YKT6: variants seen among roughly 807,000 people sequenced by gnomAD.
The protein encoded by YKT6 is YKT6 vesicular SNARE protein, also known as synaptobrevin homolog YKT6.
In YKT6, 12 loss-of-function variants were observed where a neutral mutation model predicts 29.3. The observed-to-expected ratio is 0.41, with a 90% CI of 0.26 to 0.66. The LOEUF is 0.66. Ranked by LOEUF, YKT6 falls within the 30% of genes least tolerant of loss-of-function variation. The pLI, the probability that YKT6 is intolerant of heterozygous loss-of-function variation, is 0.32. For synonymous variants in YKT6, 86 were observed against 94.3 expected, an observed-to-expected ratio of 0.91 and a Z score of 0.51; for missense variants, 188 against 243.8, an observed-to-expected ratio of 0.77 and a Z score of 1.52.
chr7:44,207,608 G>A, intron 4 of YKT6, 116 bp downstream of exon 4: 1 of 844,188 alleles, frequency 1.2e-6, no homozygotes, highest in South Asian at 1.6e-5. Flanking sequence ...TCTGATGCTG[G>A]TGTCCTCTCT....
chr7:44,207,335 G>C lies in YKT6; in HGVS notation c.289-53G>C, dbSNP rs1583647483. On this transcript the variant is annotated intron_variant, in intron 3 of 6. Coordinates refer to ENST00000223369, the MANE Select transcript of YKT6 (RefSeq NM_006555.4). ...CTCAGGGGTGAAGCCCTGTCATTGAGACCACTGGTGAGTGCACAGTGGGAG... is the reference window on the plus strand; with the variant it reads ...CTCAGGGGTGAAGCCCTGTCATTGACACCACTGGTGAGTGCACAGTGGGAG... 15 of 1,504,506 alleles carry C rather than the reference G, an allele frequency of 1.0e-5. 1 individual carries two copies. In the South Asian group the frequency reaches 1.5e-4, roughly 15 times the overall value. 93.2% of individuals were successfully genotyped at this position (1,504,506 alleles called of 1,614,324 possible). A position where few individuals can be genotyped will look rare whatever the true frequency, so the allele number is the denominator to read the frequency against.
Position 44,207,333 on chromosome 7 carries a change from G to C in YKT6, c.289-55G>C, listed in dbSNP as rs886340279. Reference sequence around the variant, plus strand: ...TGCTCAGGGGTGAAGCCCTGTCATTGAGACCACTGGTGAGTGCACAGTGGG... The same window carrying C: ...TGCTCAGGGGTGAAGCCCTGTCATTCAGACCACTGGTGAGTGCACAGTGGG... On this transcript the variant is annotated intron_variant, in intron 3 of 6. Coordinates refer to ENST00000223369, the MANE Select transcript of YKT6 (RefSeq NM_006555.4). 5 of 1,508,884 alleles carry C rather than the reference G, an allele frequency of 3.3e-6. No individual in the cohort carries two copies. The Admixed American group carries it at 8.5e-5, about 26-fold the overall frequency. 93.5% of individuals were successfully genotyped at this position (1,508,884 alleles called of 1,614,324 possible). A position where few individuals can be genotyped will look rare whatever the true frequency, so the allele number is the denominator to read the frequency against.
In YKT6 at chr7:44,201,139, A is replaced by T; in HGVS notation, c.4A>T (p.Lys2Ter). The change falls in exon 1 of 7, where the codon AAG (lysine) becomes TAG (stop). Residue 2 changes from lysine (K) to a stop codon, truncating the protein, a stop_gained. Coordinates refer to ENST00000223369, the MANE Select transcript of YKT6 (RefSeq NM_006555.4). LOFTEE classifies it high-confidence loss of function. The part of the protein sequence containing the change: M[K>*]LYSLSVLYKG... Reference sequence around the variant, plus strand: ...GGCGGCCTGAGGGCGCGGAGCCATGAAGCTGTACAGCCTCAGCGTCCTCTA... The same window carrying T: ...GGCGGCCTGAGGGCGCGGAGCCATGTAGCTGTACAGCCTCAGCGTCCTCTA... 1 of 1,594,780 alleles carries T rather than the reference A, an allele frequency of 6.3e-7. No homozygotes were observed. Among genetic ancestry groups the T allele is most frequent in the Non-Finnish European group, 8.5e-7 (1 of 1,172,014 alleles).
At chr7:44,201,314 C>A in intron 1 of YKT6, 75 bp downstream of exon 1, 1 of 889,912 alleles carries the variant, frequency 1.1e-6, no homozygotes, top group Non-Finnish European at 1.6e-6. Context: ...CGGAGTGGGC[C>A]TGGGGTCGGC....
chr7:44,211,055 T>C lies in YKT6; in HGVS notation c.492T>C (p.Gly164=). The C allele has an allele frequency of 6.2e-7, 1 of 1,613,842 alleles. No individual in the cohort carries two copies. The highest frequency in any genetic ancestry group is 1.7e-5 in the Admixed American group (1 of 60,000). ...HNTMESLLER[G]EKLDDLVSKS... ...CCATGGAGTCTCTGTTAGAGCGAGG[T>C]GAGAAGCTAGATGACTTGGTGTCCA... The change falls in exon 6 of 7, where the codon GGT becomes GGC. Residue 164 remains glycine, a synonymous_variant. Coordinates refer to ENST00000223369, the MANE Select transcript of YKT6 (RefSeq NM_006555.4).
chr7:44,210,801 A>C (rs1343724294), intron 5 of YKT6: 1 of 610,492 alleles, frequency 1.6e-6, no homozygotes, highest in Non-Finnish European at 3.1e-6. Flanking sequence ...AGTCTGCTAC[A>C]TCCCAGTTAG....
chr7:44,201,131 G>A lies in YKT6; in HGVS notation c.-5G>A. On this transcript the variant is annotated 5_prime_UTR_variant, in exon 1 of 7. Coordinates refer to ENST00000223369, the MANE Select transcript of YKT6 (RefSeq NM_006555.4). The stretch of plus-strand genomic sequence containing the variant: ...GGCAGGCGGGCGGCCTGAGGGCGCG[G>A]AGCCATGAAGCTGTACAGCCTCAGC... The A allele has an allele frequency of 6.3e-7, 1 of 1,579,398 alleles. No homozygotes were observed. Among genetic ancestry groups the A allele is most frequent in the East Asian group, 2.5e-5 (1 of 40,376 alleles).
rs557185462 is a variant in YKT6 at position 44,201,142 on chromosome 7, C to G, written c.7C>G (p.Leu3Val). ...GGCCTGAGGGCGCGGAGCCATGAAG[C>G]TGTACAGCCTCAGCGTCCTCTACAA... is the stretch of plus-strand genomic sequence containing the variant. MK[L>V]YSLSVLYKGE... The change falls in exon 1 of 7, where the codon CTG (leucine) becomes GTG (valine). Residue 3 changes from leucine (L) to valine (V), a missense_variant. Physicochemically the swap from Leu to Val is conservative, Grantham distance 32 (BLOSUM62 1). This residue lies in a region of YKT6 where 71 missense variants were observed against 67.3 expected (regional missense o/e 1.05). Transcript: ENST00000223369. 1 of 1,599,418 alleles carries G rather than the reference C, an allele frequency of 6.3e-7. No homozygotes were observed. The highest frequency in any genetic ancestry group is 1.4e-5 in the African/African-American group (1 of 73,534).
At chr7:44,208,253 A>T in intron 5 of YKT6, 55 bp downstream of exon 5, 1 of 1,579,298 alleles carries the variant, frequency 6.3e-7, no homozygotes, top group South Asian at 1.1e-5. Flanking sequence ...TGCGATTTCC[A>T]CTGGCCAGGC....
Position 44,201,251 on chromosome 7 carries a change from A to G in YKT6, c.104+12A>G. On this transcript the variant is annotated intron_variant, in intron 1 of 6. Transcript: ENST00000223369. ...TTCCAGAGATCCAGGTGAGCGGCAC[A>G]GGCTGGTGGGCCGTGGCGGTCGGGC... is the stretch of plus-strand genomic sequence containing the variant. 6.4e-7 allele frequency: 1 copy of G among 1,562,628 alleles called. No individual in the cohort carries two copies. The highest frequency in any genetic ancestry group is 1.4e-5 in the African/African-American group (1 of 72,904).
intron 5 of YKT6, among the ~76,000 whole-genome samples, chr7:44,209,761 G>A (rs2096344686): frequency 6.6e-6 from 1 of 152,234 alleles, no homozygotes; most frequent in Non-Finnish European, 1.5e-5. Context: ...TGCTTCCTGA[G>A]GGCCCTGGCA....
chr7:44,207,848 C>T (rs1258711223), intron 4 of YKT6, among the ~76,000 whole-genome samples: 1 of 152,164 alleles, frequency 6.6e-6, no homozygotes, highest in Non-Finnish European at 1.5e-5. Flanking sequence ...GCCTCAGCCT[C>T]CCGAGTAGCT....
chr7:44,202,701 C>T (rs1374574026), intron 1 of YKT6, among the ~76,000 whole-genome samples: 1 of 152,206 alleles, frequency 6.6e-6, no homozygotes, highest in Non-Finnish European at 1.5e-5. Context: ...ACATTTCAGC[C>T]ATTGTGAATG....
In YKT6 at chr7:44,207,413, T is replaced by C. The variant is rs1323377543; in HGVS notation, c.314T>C (p.Val105Ala). The part of the protein sequence containing the change: ...EKVLDEFSKQ[V>A]DRIDWPVGSP... ...GTACTAGATGAATTCTCCAAGCAAG[T>C]CGACAGGATAGACTGGCCAGTAGGA... The change falls in exon 4 of 7, where the codon GTC (valine) becomes GCC (alanine). Residue 105 changes from valine to alanine, a missense_variant. By Grantham distance (64) the Val-to-Ala change is moderately conservative (BLOSUM62 0). This residue lies in a region of YKT6 where 100 missense variants were observed against 136.3 expected (regional missense o/e 0.73). Coordinates refer to ENST00000223369, the MANE Select transcript of YKT6 (RefSeq NM_006555.4). The C allele has an allele frequency of 6.2e-7, 1 of 1,614,008 alleles. No homozygotes were observed. The highest frequency in any genetic ancestry group is 2.2e-5 in the East Asian group (1 of 44,880).
rs1583642493 is a variant in YKT6, at chr7:44,201,019, A to G, written c.-117A>G. On this transcript the variant is annotated 5_prime_UTR_variant, in exon 1 of 7. Coordinates refer to ENST00000223369, the MANE Select transcript of YKT6 (RefSeq NM_006555.4). The stretch of plus-strand genomic sequence containing the variant: ...GGAGGAAGCCGGCGGTGGCCCCGTC[A>G]GCAGCCGGCTGCTGAGAGGCCGGTA... 13 of 711,008 alleles carry G rather than the reference A, an allele frequency of 1.8e-5. No homozygotes were observed. Among genetic ancestry groups the G allele is most frequent in the Non-Finnish European group, 2.6e-5 (12 of 469,006 alleles). 44.0% of individuals were successfully genotyped at this position (711,008 alleles called of 1,614,324 possible).
rs761739506 is a variant in YKT6 at position 44,204,559 on chromosome 7, G to A, written c.105-9G>A. 1.2e-6 allele frequency: 2 copies of A among 1,614,090 alleles called. No individual in the cohort carries two copies. Among genetic ancestry groups the A allele is most frequent in the South Asian group, 2.2e-5 (2 of 91,072 alleles). On this transcript the variant is annotated splice_polypyrimidine_tract_variant and intron_variant, in intron 1 of 6. Transcript: ENST00000223369. ...GAAGTAGGCAATAAATACATTTTGTGTTTCTTAGCGTTCAGGAATTCATGA... is the reference window on the plus strand; with the variant it reads ...GAAGTAGGCAATAAATACATTTTGTATTTCTTAGCGTTCAGGAATTCATGA...
chr7:44,211,513 T>C (rs2096346815), intron 6 of YKT6: 1 of 1,015,402 alleles, frequency 9.8e-7, no homozygotes, highest in Non-Finnish European at 1.2e-6. Flanking sequence ...CAATTCAGCC[T>C]TCCTGAAGAG....
rs2096341127 is a variant in YKT6, at chr7:44,206,554, T to C, written c.288+69T>C. ...GCACATTTATGGACTGGGACAGGGGTTGATGGCAGTCCCTGAGACATAAGG... is the reference window on the plus strand; with the variant it reads ...GCACATTTATGGACTGGGACAGGGGCTGATGGCAGTCCCTGAGACATAAGG... On this transcript the variant is annotated intron_variant, in intron 3 of 6. Coordinates refer to ENST00000223369, the MANE Select transcript of YKT6 (RefSeq NM_006555.4). The C allele has an allele frequency of 6.0e-6, 8 of 1,328,456 alleles. No homozygotes were observed. In the Admixed American group the frequency reaches 1.4e-4, roughly 22 times the overall value. 82.3% of individuals were successfully genotyped at this position (1,328,456 alleles called of 1,614,324 possible). A position where few individuals can be genotyped will look rare whatever the true frequency, so the allele number is the denominator to read the frequency against.
Position 44,201,223 on chromosome 7 carries a change from T to G in YKT6, c.88T>G (p.Phe30Val). The G allele has an allele frequency of 6.2e-7, 1 of 1,612,250 alleles. No individual in the cohort carries two copies. The highest frequency in any genetic ancestry group is 8.5e-7 in the Non-Finnish European group (1 of 1,179,104). Residue 30 changes from phenylalanine (F) to valine (V), a missense_variant, in exon 1 of 7, where the codon TTT (phenylalanine) becomes GTT (valine). This residue lies in a region of YKT6 where 71 missense variants were observed against 67.3 expected (regional missense o/e 1.05). Transcript: ENST00000223369. The part of the protein sequence containing the change: ...KAAYDVSSFS[F>V]FQRSSVQEFM... Reference sequence around the variant, plus strand: ...CGCATACGATGTGTCTTCCTTCAGCTTTTTCCAGAGATCCAGGTGAGCGGC... The same window carrying G: ...CGCATACGATGTGTCTTCCTTCAGCGTTTTCCAGAGATCCAGGTGAGCGGC...
Sources: gnomAD v4.1 joint callset for allele counts (sites outside exome capture counted in the v4.1 genomes callset) on GRCh38, gnomAD v4.1.1 for gene constraint, gnomAD v4.1.1 regional missense constraint, MANE v1.5 for transcripts, NCBI Gene and HGNC (gene_info 2026-07-23, HGNC 2026-07-21) for gene names.